BTG4: variants seen among roughly 807,000 people sequenced by gnomAD.
The protein encoded by BTG4 is protein BTG4.
Under a neutral mutation model 19.3 loss-of-function variants are expected in BTG4, and 10 were observed. The observed-to-expected ratio is 0.52, with a 90% CI of 0.32 to 0.88. BTG4 has a LOEUF of 0.88. BTG4 is among the 40% of genes least tolerant of loss of function. BTG4 has a pLI of 0.04. For synonymous variants in BTG4, 91 were observed against 95.7 expected, an observed-to-expected ratio of 0.95 and a Z score of 0.29; for missense variants, 238 against 281.9, an observed-to-expected ratio of 0.84 and a Z score of 1.11.
chr11:111,478,300 C>A lies in BTG4; in HGVS notation c.663-10619G>T, dbSNP rs200319999. On this transcript the variant is annotated intron_variant, in intron 5 of 5. Transcript: ENST00000356018. ...ACCCTTTCTTGGGTATTAATGGAGG[C>A]CAAGAGGGAAACCCGGACTTTTACT... Among the ~76,000 whole-genome samples, 18 of 152,212 alleles carry A rather than the reference C, an allele frequency of 1.2e-4. No homozygotes were observed. The East Asian group carries it at 2.9e-3, about 24-fold the overall frequency.
downstream of BTG4, among the ~76,000 whole-genome samples, chr11:111,493,811 C>A (rs544318199): frequency 2.6e-4 from 39 of 152,068 alleles, no homozygotes; most frequent in Non-Finnish European, 8.8e-5. Context: ...AATGAACCAT[C>A]GTTTCTAGAA....
chr11:111,400,010 TGGGTGAGGGTG>T, the BTG4 span, among the ~76,000 whole-genome samples: 1 of 151,936 alleles, frequency 6.6e-6, no homozygotes, highest in Non-Finnish European at 1.5e-5. Context: ...AAAGCCGGGA[TGGGTGAGGGTG>T]GGGTGAGGGT....
the BTG4 span, among the ~76,000 whole-genome samples, chr11:111,387,258 C>A: frequency 6.6e-6 from 1 of 152,170 alleles, no homozygotes; most frequent in Non-Finnish European, 1.5e-5. Context: ...TCTGAAGAAG[C>A]AGTAAGATTC....
the BTG4 span, among the ~76,000 whole-genome samples, chr11:111,451,869 G>T: frequency 2.0e-5 from 3 of 152,184 alleles, no homozygotes; most frequent in Non-Finnish European, 4.4e-5. Context: ...GCTAACAGAT[G>T]GTCCTGGGAT....
chr11:111,402,369 TTTA>T, the BTG4 span, among the ~76,000 whole-genome samples: 1 of 152,224 alleles, frequency 6.6e-6, no homozygotes, highest in African/African-American at 2.4e-5. Flanking sequence ...ATATTTAAAT[TTTA>T]TTACATGTTA....
chr11:111,425,600 T>C, the BTG4 span, among the ~76,000 whole-genome samples: 1 of 152,184 alleles, frequency 6.6e-6, no homozygotes, highest in South Asian at 2.1e-4. Context: ...GTTAAGAAAC[T>C]ACTGTAGTAA....
chr11:111,404,520 G>T, the BTG4 span: 1 of 452,262 alleles, frequency 2.2e-6, no homozygotes, highest in Non-Finnish European at 4.5e-6. Flanking sequence ...ACAGGGGGCA[G>T]GGAATCATCT....
chr11:111,406,795 C>T, the BTG4 span, among the ~76,000 whole-genome samples: 1 of 152,190 alleles, frequency 6.6e-6, no homozygotes, highest in Non-Finnish European at 1.5e-5. Context: ...AGACCTGAAG[C>T]AAGGCGTTGG....
chr11:111,456,148 C>G, the BTG4 span, among the ~76,000 whole-genome samples: 1 of 152,186 alleles, frequency 6.6e-6, no homozygotes, highest in South Asian at 2.1e-4. This position sits in a 1 kb window ranked among gnomAD's most constrained non-coding sequence, Gnocchi z 4.2. Context: ...GAGGCACTTC[C>G]TGAAAATAAA....
chr11:111,468,639 T>A (rs942272412), intron 5 of BTG4, among the ~76,000 whole-genome samples: 5 of 152,178 alleles, frequency 3.3e-5, no homozygotes, highest in African/African-American at 1.2e-4. Flanking sequence ...GAGAGTTACT[T>A]CAAATCAACA....
At chr11:111,454,619 T>C in the BTG4 span, among the ~76,000 whole-genome samples, 1 of 152,200 alleles carries the variant, frequency 6.6e-6, no homozygotes, top group East Asian at 1.9e-4. Flanking sequence ...TTGGAGTTCC[T>C]TCTCAGATCT....
the BTG4 span, among the ~76,000 whole-genome samples, chr11:111,383,968 T>C: frequency 3.3e-5 from 5 of 152,218 alleles, no homozygotes; most frequent in Admixed American, 2.0e-4. Context: ...TTCTCAATTA[T>C]GTTATAGTTT....
At chr11:111,466,250 C>T (rs897057489), downstream of BTG4, among the ~76,000 whole-genome samples, 1 of 152,128 alleles carries the variant, frequency 6.6e-6, no homozygotes, top group African/African-American at 2.4e-5. Context: ...CTTCCCTAAA[C>T]TTTGCTACCA....
At chr11:111,511,263 G>T (rs1182838527) in intron 1 of BTG4, among the ~76,000 whole-genome samples, 1 of 152,182 alleles carries the variant, frequency 6.6e-6, no homozygotes, top group Non-Finnish European at 1.5e-5. Flanking sequence ...ACTATGGGGT[G>T]TACAGAACAA....
the BTG4 span, among the ~76,000 whole-genome samples, chr11:111,447,208 C>T: frequency 2.0e-5 from 3 of 152,252 alleles, no homozygotes; most frequent in South Asian, 2.1e-4. Flanking sequence ...TTATCCGATA[C>T]ATCATGTGGT....
chr11:111,458,819 G>T, the BTG4 span, among the ~76,000 whole-genome samples: 2 of 152,106 alleles, frequency 1.3e-5, no homozygotes, highest in Non-Finnish European at 2.9e-5. Flanking sequence ...AAAACAAAAA[G>T]AACCAGGTCA....
At chr11:111,416,018 T>G in the BTG4 span, 1 of 152,448 alleles carries the variant, frequency 6.6e-6, no homozygotes, top group Non-Finnish European at 1.5e-5. Context: ...CACTCCAGCC[T>G]GGGCAACAGA....
the BTG4 span, among the ~76,000 whole-genome samples, chr11:111,447,160 A>G: frequency 3.3e-5 from 5 of 152,346 alleles, no homozygotes. Context: ...TGACAAGGCC[A>G]GGACCTGAGC....
Position 111,495,224 on chromosome 11 carries a change from T to C in BTG4, c.601A>G (p.Thr201Ala), listed in dbSNP as rs1417560406. ...VDGRVGLLGN[T>A]YHGSQKHPKC... Reference sequence around the variant, plus strand: ...GGATGCTTCTGCGAGCCATGGTAAGTGTTTCCCAGGAGGCCAACACGGCCG... The same window carrying C: ...GGATGCTTCTGCGAGCCATGGTAAGCGTTTCCCAGGAGGCCAACACGGCCG... The change falls in exon 5 of 5, where the codon ACT becomes GCT. Residue 201 changes from threonine to alanine, a missense_variant. By Grantham distance (58) the Thr-to-Ala change is moderately conservative (BLOSUM62 0). Coordinates refer to ENST00000692032, the MANE Select transcript of BTG4 (RefSeq NM_001367975.1). 1 of 1,613,172 alleles carries C rather than the reference T, an allele frequency of 6.2e-7. No homozygotes were observed. Among genetic ancestry groups the C allele is most frequent in the Non-Finnish European group, 8.5e-7 (1 of 1,179,684 alleles).
Sources: gnomAD v4.1 joint callset for allele counts (sites outside exome capture counted in the v4.1 genomes callset) on GRCh38, gnomAD v4.1.1 for gene constraint, Gnocchi (gnomAD v3.1) non-coding constraint, MANE v1.5 for transcripts, NCBI Gene and HGNC (gene_info 2026-07-23, HGNC 2026-07-21) for gene names.